LINGO2: variants seen among roughly 807,000 people sequenced by gnomAD.
LINGO2 encodes leucine-rich repeat and immunoglobulin-like domain-containing nogo receptor-interacting protein 2.
A neutral mutation model predicts 30.6 loss-of-function variants in LINGO2; 14 were observed. The observed-to-expected ratio is 0.46, with a 90% CI of 0.30 to 0.72. The LOEUF (loss-of-function observed/expected upper bound fraction) is 0.72. Among genes scored for constraint, LINGO2 ranks in the 30% least tolerant of loss-of-function variants. The pLI is 0.07. For missense variants in LINGO2, 729 were observed against 751.7 expected (o/e 0.97, Z 0.35); for synonymous variants, 317 against 288.5 (o/e 1.10, Z -1.00).
intron 1 of LINGO2, among the ~76,000 whole-genome samples, chr9:28,495,129 A>G (rs1291071359): frequency 6.6e-6 from 1 of 152,180 alleles, no homozygotes; most frequent in African/African-American, 2.4e-5. Flanking sequence ...CCTTTGTCAG[A>G]TGAGTAGATT....
At chr9:28,518,000 AT>A (rs1481781118) in intron 1 of LINGO2, among the ~76,000 whole-genome samples, 1 of 152,158 alleles carries the variant, frequency 6.6e-6, no homozygotes, top group Non-Finnish European at 1.5e-5. Flanking sequence ...GGATTCCAAG[AT>A]CTTATTTCTG....
In LINGO2 at chr9:28,118,910, T is replaced by C. The variant is rs113211595; in HGVS notation, c.-86-106505A>G. 6.6e-3 allele frequency among the ~76,000 whole-genome samples: 1,007 copies of C among 152,316 alleles called. 16 individuals carry two copies. The highest frequency in any genetic ancestry group is 0.023 in the African/African-American group (947 of 41,560). On this transcript the variant is annotated intron_variant, in intron 4 of 5. Transcript: ENST00000379992. ...GTTTAATAGCAAAAGAGCCCTCTTC[T>C]GACATCTTATATAGAAGTTGATGCT...
intron 5 of LINGO2, among the ~76,000 whole-genome samples, chr9:28,011,278 CATTT>C (rs1336393270): frequency 6.6e-6 from 1 of 152,104 alleles, no homozygotes; most frequent in African/African-American, 2.4e-5. Context: ...AGGGAAATAA[CATTT>C]GTTTGGAAAA....
At chr9:28,323,701 G>T (rs570426188) in intron 3 of LINGO2, among the ~76,000 whole-genome samples, 5 of 152,080 alleles carry the variant, frequency 3.3e-5, no homozygotes, top group South Asian at 2.1e-4. Context: ...ACATAAGTTC[G>T]GAGAACAATG....
At chr9:28,374,706 T>G (rs537980643) in intron 2 of LINGO2, among the ~76,000 whole-genome samples, 7 of 152,236 alleles carry the variant, frequency 4.6e-5, no homozygotes, top group Non-Finnish European at 8.8e-5. Context: ...TCACCCACCA[T>G]GTATAAGCAC....
intron 4 of LINGO2, among the ~76,000 whole-genome samples, chr9:28,293,603 T>C (rs1216804587): frequency 2.0e-5 from 3 of 152,124 alleles, no homozygotes; most frequent in Non-Finnish European, 4.4e-5. Context: ...ATCCAGTTGA[T>C]TGATGGTATT....
At chr9:29,135,258 T>TAA in the LINGO2 span, among the ~76,000 whole-genome samples, 6 of 151,906 alleles carry the variant, frequency 3.9e-5, no homozygotes, top group African/African-American at 1.5e-4. Context: ...CTCTCCACTG[T>TAA]AAAAAAATAG....
At chr9:29,165,245 C>T in the LINGO2 span, among the ~76,000 whole-genome samples, 5 of 152,174 alleles carry the variant, frequency 3.3e-5, no homozygotes, top group African/African-American at 9.6e-5. Context: ...TTTTCCCAAA[C>T]TTATTTCAAT....
the LINGO2 span, among the ~76,000 whole-genome samples, chr9:28,783,629 A>G: frequency 3.3e-5 from 5 of 152,194 alleles, no homozygotes; most frequent in African/African-American, 1.2e-4. Context: ...CAAAATCTAC[A>G]CTGAGGAAAT....
intron 5 of LINGO2, among the ~76,000 whole-genome samples, chr9:27,957,613 G>C (rs1203702258): frequency 6.6e-6 from 1 of 152,110 alleles, no homozygotes. Context: ...TTTATCATCA[G>C]TTTAATTCTT....
chr9:28,627,261 G>A (rs768541676), intron 1 of LINGO2, among the ~76,000 whole-genome samples: 5 of 151,994 alleles, frequency 3.3e-5, no homozygotes, highest in African/African-American at 9.7e-5. Flanking sequence ...GATATAATAC[G>A]TTTTAATGTT....
intron 4 of LINGO2, among the ~76,000 whole-genome samples, chr9:28,043,442 T>A (rs968055804): frequency 6.6e-6 from 1 of 152,134 alleles, no homozygotes; most frequent in Non-Finnish European, 1.5e-5. Flanking sequence ...AGTATGGCAG[T>A]CTCTGCAGTG....
At chr9:28,079,516 C>G (rs978306549) in intron 4 of LINGO2, among the ~76,000 whole-genome samples, 2 of 152,210 alleles carry the variant, frequency 1.3e-5, no homozygotes, top group Non-Finnish European at 2.9e-5. Context: ...CTCTCTGTCC[C>G]CTTCCTACAC....
At chr9:29,145,124 G>C in the LINGO2 span, among the ~76,000 whole-genome samples, 3 of 152,088 alleles carry the variant, frequency 2.0e-5, no homozygotes, top group Non-Finnish European at 4.4e-5. Flanking sequence ...ACATGAAGTA[G>C]AATTGAAGCT....
At chr9:28,281,913 T>C (rs1823341863) in intron 4 of LINGO2, among the ~76,000 whole-genome samples, 1 of 152,132 alleles carries the variant, frequency 6.6e-6, no homozygotes, top group Non-Finnish European at 1.5e-5. Context: ...AACCTGTACC[T>C]GTTTCCAAAC....
chr9:27,967,633 T>C (rs933162423), intron 5 of LINGO2, among the ~76,000 whole-genome samples: 3 of 152,208 alleles, frequency 2.0e-5, no homozygotes, highest in African/African-American at 7.2e-5. Context: ...CACAGGCATC[T>C]GGAAAATGAC....
chr9:28,306,640 G>T (rs1824370390), intron 3 of LINGO2, among the ~76,000 whole-genome samples: 1 of 152,134 alleles, frequency 6.6e-6, no homozygotes, highest in Non-Finnish European at 1.5e-5. Flanking sequence ...GAATCCAGGA[G>T]CTGGTTTTTT....
rs555981145 is a variant in LINGO2 at position 28,538,686 on chromosome 9, C to A, written c.-364-62661G>T. 1.2e-3 allele frequency among the ~76,000 whole-genome samples: 175 copies of A among 152,172 alleles called. 1 individual carries two copies. The highest frequency in any genetic ancestry group is 3.9e-3 in the African/African-American group (160 of 41,544). On this transcript the variant is annotated intron_variant, in intron 1 of 5. Transcript: ENST00000379992. ...GCCTTCTTGCTGTGGCCTCACATGG[C>A]AGAATTTGGAAGGTGCAAGAAAGAG...
chr9:29,005,052 G>A, the LINGO2 span, among the ~76,000 whole-genome samples: 107,853 of 151,726 alleles, frequency 0.71, 38,888 homozygotes, highest in Non-Finnish European at 0.76. Flanking sequence ...CACACCTATG[G>A]TAAGCTCTAC....
Sources: allele counts gnomAD v4.1 joint callset (sites outside exome capture counted in the v4.1 genomes callset), GRCh38; gene constraint gnomAD v4.1.1; transcripts MANE v1.5; gene names NCBI Gene and HGNC (gene_info 2026-07-23, HGNC 2026-07-21).